TTI1: variants seen among roughly 807,000 people sequenced by gnomAD.
TTI1 encodes TELO2 interacting protein 1, also known as TELO2-interacting protein 1 homolog.
A neutral mutation model predicts 85.4 loss-of-function variants in TTI1; 52 were observed. That is an observed-to-expected ratio of 0.61 (90% CI 0.49 to 0.77). TTI1 has a LOEUF of 0.77. TTI1 is among the 30% of genes least tolerant of loss of function. The pLI, the probability that TTI1 is intolerant of heterozygous loss-of-function variation, is 0.00. For missense variants in TTI1, 1,173 were observed against 1,296.0 expected, an observed-to-expected ratio of 0.91 and a Z score of 1.46; for synonymous variants, 512 against 503.9, an observed-to-expected ratio of 1.02 and a Z score of -0.22.
Position 38,011,753 on chromosome 20 carries a change from C to T in TTI1, c.2064G>A (p.Gln688=). ...AGTCTGAATTTTGATTGATCAGGTG[C>T]TGCAGGGAGTCGTAGCCACAAGCAC... ...VCRACGYDSL[Q]HLINQNSDYL... is the part of the protein sequence containing the mutation. The change falls in exon 2 of 8, where the codon CAG becomes CAA. Residue 688 remains glutamine, a synonymous_variant. Coordinates refer to ENST00000373447, the MANE Select transcript of TTI1 (RefSeq NM_001303457.2). 1 of 1,614,170 alleles carries T rather than the reference C, an allele frequency of 6.2e-7. No individual in the cohort carries two copies. The highest frequency in any genetic ancestry group is 8.5e-7 in the Non-Finnish European group (1 of 1,180,038).
rs953300788 is a variant in TTI1, at chr20:38,002,787, A to G, written c.2504-11T>C. ...GGACTGACTGTTCCTCTGGAAAAAG[A>G]GCACAACTGGGGGCAGTGTTGTATG... On this transcript the variant is annotated splice_polypyrimidine_tract_variant and intron_variant, in intron 3 of 7. Transcript: ENST00000373447. 1 of 1,613,418 alleles carries G rather than the reference A, an allele frequency of 6.2e-7. No individual in the cohort carries two copies. Among genetic ancestry groups the G allele is most frequent in the Non-Finnish European group, 8.5e-7 (1 of 1,179,638 alleles).
chr20:37,985,758 C>T (rs1341573155), intron 7 of TTI1, among the ~76,000 whole-genome samples: 1 of 152,028 alleles, frequency 6.6e-6, no homozygotes, highest in Non-Finnish European at 1.5e-5. Context: ...GAACTCCTGA[C>T]CTCAGGTGAT....
chr20:37,987,377 T>A (rs965207037), intron 7 of TTI1: 1 of 456,710 alleles, frequency 2.2e-6, no homozygotes, highest in Admixed American at 2.3e-5. Flanking sequence ...CCCAATACAT[T>A]TTGCGATGCG....
At chr20:38,006,463 G>A in intron 2 of TTI1, 66 bp from the exon 3 acceptor site, 1 of 1,566,148 alleles carries the variant, frequency 6.4e-7, no homozygotes, top group Non-Finnish European at 8.8e-7. Flanking sequence ...TTTATACACA[G>A]AATAAGCTCT....
intron 1 of TTI1, among the ~76,000 whole-genome samples, chr20:38,020,317 A>ATATATATATATATATATAT (rs1568628878): frequency 2.3e-5 from 1 of 44,046 alleles, no homozygotes; most frequent in Non-Finnish European, 4.2e-5. Flanking sequence ...TATGAAAAAA[A>ATATATATATATATATATAT]AAAAAAATAT....
chr20:37,996,674 T>G (rs1022849828), intron 6 of TTI1, 75 bp downstream of exon 6: 44 of 1,528,220 alleles, frequency 2.9e-5, no homozygotes, highest in Non-Finnish European at 3.7e-5. Flanking sequence ...GGGGCACGAC[T>G]GAGCAGAGGG....
intron 1 of TTI1, 171 bp from the exon 2 acceptor site, chr20:38,014,028 A>G: frequency 1.6e-6 from 1 of 610,182 alleles, no homozygotes; most frequent in East Asian, 2.9e-5. Flanking sequence ...AAGTACATGT[A>G]CAGTTACAAT....
At chr20:38,006,516 TG>T (rs2073502640) in intron 2 of TTI1, 119 bp from the exon 3 acceptor site, 1 of 1,093,474 alleles carries the variant, frequency 9.1e-7, no homozygotes, top group African/African-American at 1.6e-5. Context: ...AGTCCCTGCC[TG>T]GCTCCCCGGC....
intron 1 of TTI1, among the ~76,000 whole-genome samples, chr20:38,032,240 T>C (rs2073920161): frequency 6.6e-6 from 1 of 152,190 alleles, no homozygotes; most frequent in Admixed American, 6.5e-5. Context: ...ATTAAATGAG[T>C]TACTGTGTGG....
chr20:38,012,010 G>A lies in TTI1; in HGVS notation c.1807C>T (p.Gln603Ter). The change falls in exon 2 of 8, where the codon CAA becomes TAA. Residue 603 changes from glutamine (Q) to a stop codon, truncating the protein, a stop_gained. Transcript: ENST00000373447. LOFTEE classifies it high-confidence loss of function. ...QAITSGEHTC[Q>*]VTSFLAFSKP... Reference sequence around the variant, plus strand: ...GAGAAGGCTAGAAAAGATGTAACTTGGCAGGTGTGTTCACCAGACGTGATG... The same window carrying A: ...GAGAAGGCTAGAAAAGATGTAACTTAGCAGGTGTGTTCACCAGACGTGATG... The A allele has an allele frequency of 6.2e-7, 1 of 1,614,222 alleles. No homozygotes were observed. Among genetic ancestry groups the A allele is most frequent in the Non-Finnish European group, 8.5e-7 (1 of 1,180,042 alleles).
chr20:38,009,767 T>G (rs1343872203), intron 2 of TTI1, among the ~76,000 whole-genome samples: 1 of 152,100 alleles, frequency 6.6e-6, no homozygotes, highest in African/African-American at 2.4e-5. Context: ...CCTCCCAAAG[T>G]GTTGAGATTA....
intron 4 of TTI1, 66 bp downstream of exon 4, chr20:38,002,562 A>G: frequency 6.3e-7 from 1 of 1,588,832 alleles, no homozygotes; most frequent in Non-Finnish European, 8.6e-7. Flanking sequence ...CCGTGTAGCC[A>G]CTGCCAACCA....
chr20:37,983,769 ATAG>A (rs1227178989), intron 7 of TTI1, 130 bp from the exon 8 acceptor site: 1 of 962,108 alleles, frequency 1.0e-6, no homozygotes. Context: ...GTCACTTCAA[ATAG>A]TAGAAAAAAC....
chr20:38,022,677 T>A (rs1452500189), intron 1 of TTI1, among the ~76,000 whole-genome samples: 1 of 152,184 alleles, frequency 6.6e-6, no homozygotes, highest in Non-Finnish European at 1.5e-5. Flanking sequence ...TTCATTCTGA[T>A]GGGGTAATCA....
Position 38,011,902 on chromosome 20 carries a change from A to G in TTI1, c.1915T>C (p.Tyr639His), listed in dbSNP as rs763223980. 7.4e-6 allele frequency: 12 copies of G among 1,614,246 alleles called. No homozygotes were observed. In the Admixed American group the frequency reaches 1.8e-4, roughly 25 times the overall value. Residue 639 changes from tyrosine to histidine, a missense_variant, in exon 2 of 8, where the codon TAT becomes CAT. Physicochemically the swap from Tyr to His is moderately conservative, Grantham distance 83. Coordinates refer to ENST00000373447, the MANE Select transcript of TTI1 (RefSeq NM_001303457.2). ...IQLEGIGQFA[Y>H]ALGKDFCLLL... ...AAACAGAAGTCTTTTCCTAGTGCAT[A>G]TGCAAACTGGCCAATTCCTTCCAAC...
At chr20:37,999,127 T>G in intron 5 of TTI1, 61 bp downstream of exon 5, 17 of 1,316,644 alleles carry the variant, frequency 1.3e-5, no homozygotes, top group South Asian at 2.9e-5. Flanking sequence ...AAGGCCCCGG[T>G]GAGCTCTGTG....
At chr20:38,008,781 T>C (rs1284910244) in intron 2 of TTI1, among the ~76,000 whole-genome samples, 1 of 152,188 alleles carries the variant, frequency 6.6e-6, no homozygotes, top group Non-Finnish European at 1.5e-5. Flanking sequence ...CAGCAAAAGG[T>C]ACTACTCTGA....
Position 38,012,808 on chromosome 20 carries a change from C to G in TTI1, c.1009G>C (p.Val337Leu). The change falls in exon 2 of 8, where the codon GTG becomes CTG. Residue 337 changes from valine to leucine, a missense_variant. By Grantham distance (32) the Val-to-Leu change is conservative (BLOSUM62 1). Transcript: ENST00000373447. ...GGACTCTCATCATTTACTAGTCCCA[C>G]TAAGGCCTTCAGAAGGGGACCAGCA... ...ECAGPLLKAL[V>L]GLVNDESPEI... The G allele has an allele frequency of 6.2e-7, 1 of 1,614,238 alleles. No homozygotes were observed. The highest frequency in any genetic ancestry group is 8.5e-7 in the Non-Finnish European group (1 of 1,180,042).
At chr20:37,999,083 T>G in intron 5 of TTI1, 105 bp downstream of exon 5, 1 of 1,201,728 alleles carries the variant, frequency 8.3e-7, no homozygotes, top group Non-Finnish European at 1.1e-6. Flanking sequence ...TCACAGTATG[T>G]GACATTGCAA....
Sources: allele counts gnomAD v4.1 joint callset (sites outside exome capture counted in the v4.1 genomes callset), GRCh38; gene constraint gnomAD v4.1.1; transcripts MANE v1.5; gene names NCBI Gene and HGNC (gene_info 2026-07-23, HGNC 2026-07-21).